The following WWOX variants were observed in gnomAD, a reference collection of about 807,000 sequenced individuals.
The protein encoded by WWOX is WW domain containing oxidoreductase, also known as WW domain-containing oxidoreductase.
WWOX carries 69 observed loss-of-function variants against 46.2 expected under a neutral mutation model. The ratio of observed to expected loss-of-function variants is 1.49; its 90% CI spans 1.23 to 1.82. The LOEUF (loss-of-function observed/expected upper bound fraction) is 1.82, where lower values mean the gene tolerates loss of function less well. Ranked by LOEUF, WWOX falls within the 40% of genes most tolerant of loss-of-function variation. WWOX has a pLI of 0.00. For synonymous variants in WWOX, 359 were observed against 202.6 expected (o/e 1.77, Z -6.56); for missense variants, 919 against 542.6 (o/e 1.69, Z -6.89).
rs1386429849 is a variant in WWOX, at chr16:78,595,485, C to G, written c.1056+162733C>G. Among the ~76,000 whole-genome samples, 4 of 152,222 alleles carry G rather than the reference C, an allele frequency of 2.6e-5. No individual in the cohort carries two copies. In the South Asian group the frequency reaches 6.2e-4, roughly 24 times the overall value. The stretch of plus-strand genomic sequence containing the variant: ...GCCATGTCTTTGCAACTAACATACT[C>G]ACTCATGACTTCACGTGGCTATGTA... On this transcript the variant is annotated intron_variant, in intron 8 of 8. Transcript: ENST00000566780.
intron 4 of WWOX, among the ~76,000 whole-genome samples, chr16:78,133,428 T>A (rs1415398016): frequency 6.6e-6 from 1 of 152,256 alleles, no homozygotes; most frequent in Non-Finnish European, 1.5e-5. Flanking sequence ...GTCCAGCTAA[T>A]TTTTGTATTT....
At chr16:78,591,973 T>C (rs1468665531) in intron 8 of WWOX, among the ~76,000 whole-genome samples, 2 of 152,226 alleles carry the variant, frequency 1.3e-5, no homozygotes, top group East Asian at 1.9e-4. Context: ...AATGCGCCTA[T>C]TGACTTCTTA....
intron 8 of WWOX, chr16:78,996,323 T>G: frequency 7.1e-6 from 7 of 982,134 alleles, no homozygotes; most frequent in Non-Finnish European, 8.4e-6. Context: ...TTTTCTACCG[T>G]GACAGAAGAT....
intron 8 of WWOX, among the ~76,000 whole-genome samples, chr16:78,892,830 C>G (rs575305978): frequency 1.3e-5 from 2 of 152,152 alleles, no homozygotes; most frequent in African/African-American, 4.8e-5. Flanking sequence ...GCTGCTGATC[C>G]AATTGGATTA....
At chr16:78,925,405 A>G (rs541359056) in intron 8 of WWOX, among the ~76,000 whole-genome samples, 6 of 152,308 alleles carry the variant, frequency 3.9e-5, no homozygotes, top group Admixed American at 3.9e-4. Flanking sequence ...GCTCTCAGGC[A>G]AAATATGTCC....
intron 8 of WWOX, chr16:79,078,000 G>A (rs998560096): frequency 6.6e-6 from 1 of 152,066 alleles, no homozygotes; most frequent in Non-Finnish European, 1.5e-5. Context: ...TACCTTGGGA[G>A]GTGCCATTTT....
At chr16:78,977,430 A>G (rs1422360364) in intron 8 of WWOX, among the ~76,000 whole-genome samples, 1 of 152,174 alleles carries the variant, frequency 6.6e-6, no homozygotes, top group Non-Finnish European at 1.5e-5. Flanking sequence ...TCGCCCCACA[A>G]GCAAAGCACA....
At chr16:78,782,086 A>C (rs540000385) in intron 8 of WWOX, among the ~76,000 whole-genome samples, 37 of 152,228 alleles carry the variant, frequency 2.4e-4, no homozygotes, top group Middle Eastern at 3.4e-3. Flanking sequence ...GGAGAAATAG[A>C]TGAAGCTGTT....
At chr16:78,695,033 T>G (rs1234704363) in intron 8 of WWOX, among the ~76,000 whole-genome samples, 1 of 152,196 alleles carries the variant, frequency 6.6e-6, no homozygotes, top group African/African-American at 2.4e-5. Flanking sequence ...AGCTGCTTCT[T>G]TCAAATGCTC....
Position 78,148,876 on chromosome 16 carries a change from C to T in WWOX, c.410-15307C>T, listed in dbSNP as rs111500581. On this transcript the variant is annotated intron_variant, in intron 4 of 8. Transcript: ENST00000566780. Reference sequence around the variant, plus strand: ...TTGCGCCACTGCACTCCAGCCTGGGCGACAGAGCAAGACTCCGTCTCAAAA... The same window carrying T: ...TTGCGCCACTGCACTCCAGCCTGGGTGACAGAGCAAGACTCCGTCTCAAAA... Among the ~76,000 whole-genome samples, 456 of 107,818 alleles carry T rather than the reference C, an allele frequency of 4.2e-3. 1 individual carries two copies. Among genetic ancestry groups the T allele is most frequent in the Non-Finnish European group, 5.4e-3 (320 of 59,690 alleles). The allele number at this position is 107,818 out of a possible 152,430, so 70.7% of individuals were successfully genotyped here.
rs34862048 is a variant in WWOX at position 78,110,339 on chromosome 16, CAAAAAAAAA to C, written c.230+518_230+526del. Among the ~76,000 whole-genome samples the C allele has an allele frequency of 9.6e-4, 82 of 85,670 alleles. No individual in the cohort carries two copies. In the Middle Eastern group the frequency reaches 0.022, roughly 23 times the overall value. The allele number at this position is 85,670 out of a possible 152,430, so 56.2% of individuals were successfully genotyped here. A position where few individuals can be genotyped will look rare whatever the true frequency, so the allele number is the denominator to read the frequency against. On this transcript the variant is annotated intron_variant, in intron 3 of 8. Transcript: ENST00000566780. ...TGGGTGACAGAATGAGACTCCTTCT[CAAAAAAAAA>C]AAAAAAAAAAAAAGAGGGAATGCAC...
chr16:78,800,706 T>G (rs1036375920), intron 8 of WWOX, among the ~76,000 whole-genome samples: 1 of 152,314 alleles, frequency 6.6e-6, no homozygotes, highest in Middle Eastern at 3.4e-3. Context: ...ACTTCAGGCC[T>G]CTTTTCAGAA....
intron 8 of WWOX, among the ~76,000 whole-genome samples, chr16:79,165,997 A>G (rs8051649): frequency 0.038 from 5,823 of 152,262 alleles, 154 homozygotes; most frequent in East Asian, 0.15. Flanking sequence ...GTCTAAGCAA[A>G]TTAATGTCAT....
intron 5 of WWOX, among the ~76,000 whole-genome samples, chr16:78,280,068 A>G (rs1404440209): frequency 3.3e-5 from 5 of 152,250 alleles, no homozygotes; most frequent in Admixed American, 3.3e-4. Context: ...AGCTGAGTCT[A>G]GAGTGTTCCA....
At chr16:78,408,183 C>T (rs2082594508) in intron 6 of WWOX, among the ~76,000 whole-genome samples, 1 of 152,140 alleles carries the variant, frequency 6.6e-6, no homozygotes, top group African/African-American at 2.4e-5. Flanking sequence ...GAGAACTTGT[C>T]TTCTTACTTG....
chr16:78,385,983 G>T (rs1202274002), intron 5 of WWOX, among the ~76,000 whole-genome samples: 3 of 152,204 alleles, frequency 2.0e-5, no homozygotes, highest in Non-Finnish European at 4.4e-5. Flanking sequence ...TGTCCTTGCA[G>T]AATGATGCCA....
intron 4 of WWOX, among the ~76,000 whole-genome samples, chr16:78,151,295 G>A (rs1379541192): frequency 6.6e-6 from 1 of 152,084 alleles, no homozygotes; most frequent in Admixed American, 6.5e-5. Flanking sequence ...TAGTGTGGGG[G>A]GCCTGATGGT....
chr16:78,887,085 TGTG>T (rs2044477915), intron 8 of WWOX, among the ~76,000 whole-genome samples: 4 of 13,384 alleles, frequency 3.0e-4, no homozygotes, highest in African/African-American at 3.6e-4. Flanking sequence ...GTGGTGTGTG[TGTG>T]TGTGTGTGTG....
intron 8 of WWOX, among the ~76,000 whole-genome samples, chr16:78,909,072 C>G (rs1159148680): frequency 6.6e-6 from 1 of 152,204 alleles, no homozygotes; most frequent in African/African-American, 2.4e-5. Context: ...CTAAGTTCCT[C>G]TCAAAGTTAG....
Sources: gnomAD v4.1 joint callset for allele counts (sites outside exome capture counted in the v4.1 genomes callset) on GRCh38, gnomAD v4.1.1 for gene constraint, MANE v1.5 for transcripts, NCBI Gene and HGNC (gene_info 2026-07-23, HGNC 2026-07-21) for gene names.